The following PRKCE variants were observed in gnomAD, a reference collection of about 807,000 sequenced individuals.
PRKCE encodes the protein protein kinase C epsilon, also known as protein kinase C epsilon type.
Under a neutral mutation model 85.4 loss-of-function variants are expected in PRKCE, and 16 were observed. The ratio of observed to expected loss-of-function variants is 0.19; its 90% CI spans 0.13 to 0.28. PRKCE has a LOEUF of 0.28. PRKCE is among the 10% of genes least tolerant of loss of function. The pLI is 1.00. For missense variants in PRKCE, 573 were observed against 975.2 expected (o/e 0.59, Z 5.49); for synonymous variants, 388 against 371.5 (o/e 1.04, Z -0.51).
intron 10 of PRKCE, among the ~76,000 whole-genome samples, chr2:46,050,518 C>A (rs1400901114): frequency 2.0e-5 from 3 of 152,222 alleles, no homozygotes; most frequent in Admixed American, 2.0e-4. Flanking sequence ...TTCCACACCT[C>A]TTCTCTCTCC....
intron 1 of PRKCE, among the ~76,000 whole-genome samples, chr2:45,730,455 A>AT (rs56947431): frequency 0.01 from 1,307 of 128,498 alleles, 4 homozygotes; most frequent in Non-Finnish European, 0.011. Flanking sequence ...ACCAGTTGTA[A>AT]TTTTTTTTTT....
intron 11 of PRKCE, among the ~76,000 whole-genome samples, chr2:46,132,815 G>C (rs1403239214): frequency 6.6e-6 from 1 of 152,194 alleles, no homozygotes; most frequent in Admixed American, 6.5e-5. Flanking sequence ...TCTTTTTTAA[G>C]AATAATAAAA....
rs760809224 is a variant in PRKCE at position 45,774,272 on chromosome 2, C to T, written c.349-68728C>T. Among the ~76,000 whole-genome samples, 2 of 152,176 alleles carry T rather than the reference C, an allele frequency of 1.3e-5. No individual in the cohort carries two copies. Among genetic ancestry groups the T allele is most frequent in the African/African-American group, 2.4e-5 (1 of 41,442 alleles). ...TCTCTCAGCAGCTGCTTCACAGCCT[C>T]ACGGGAGGTGATCGGACACCAGCCT... On this transcript the variant is annotated intron_variant, in intron 1 of 14. Coordinates refer to ENST00000306156, the MANE Select transcript of PRKCE (RefSeq NM_005400.3). The surrounding 1 kb of genome is among the most constrained non-coding windows in gnomAD (Gnocchi z 4.3).
chr2:46,019,705 G>A (rs1706474829), intron 10 of PRKCE, among the ~76,000 whole-genome samples: 1 of 151,706 alleles, frequency 6.6e-6, no homozygotes, highest in African/African-American at 2.4e-5. Flanking sequence ...TGAAGTTGCA[G>A]TTTCTAAGAA....
rs1677566636 is a variant in PRKCE, at chr2:46,159,681, C to T, written c.1996C>T (p.Pro666Ser). Reference sequence around the variant, plus strand: ...TGGCGAGGACGCCATCAAGCAGCACCCATTCTTCAAAGAGATTGACTGGGT... The same window carrying T: ...TGGCGAGGACGCCATCAAGCAGCACTCATTCTTCAAAGAGATTGACTGGGT... ...QNGEDAIKQH[P>S]FFKEIDWVLL... The change falls in exon 14 of 15, where the codon CCA becomes TCA. Residue 666 changes from proline to serine, a missense_variant. By Grantham distance (74) the Pro-to-Ser change is moderately conservative (BLOSUM62 -1). Around this residue, in one of 11 missense-constraint regions of PRKCE, gnomAD observed 72 missense variants for 166.0 expected, o/e 0.43. Coordinates refer to ENST00000306156, the MANE Select transcript of PRKCE (RefSeq NM_005400.3). This position sits in a 1 kb window ranked among gnomAD's most constrained non-coding sequence, Gnocchi z 4.1. The T allele has an allele frequency of 6.3e-7, 1 of 1,599,362 alleles. No individual in the cohort carries two copies. The highest frequency in any genetic ancestry group is 1.1e-5 in the South Asian group (1 of 90,986).
chr2:46,013,498 G>A (rs1705861631), intron 10 of PRKCE, among the ~76,000 whole-genome samples: 2 of 152,198 alleles, frequency 1.3e-5, no homozygotes, highest in African/African-American at 4.8e-5. Context: ...GCTTTGAAAG[G>A]TAGAGAGGAT....
chr2:45,804,576 G>C (rs1321544650), intron 1 of PRKCE, among the ~76,000 whole-genome samples: 1 of 152,224 alleles, frequency 6.6e-6, no homozygotes, highest in Non-Finnish European at 1.5e-5. Flanking sequence ...AATCTCTACA[G>C]GCTGTTCTAG....
intron 1 of PRKCE, among the ~76,000 whole-genome samples, chr2:45,755,315 G>T (rs1487183001): frequency 6.6e-6 from 1 of 152,198 alleles, no homozygotes; most frequent in Non-Finnish European, 1.5e-5. Context: ...CAATAAAGGT[G>T]CAGCAAATAC....
chr2:45,917,945 G>GGGCCGGC (rs1435291829), intron 2 of PRKCE, among the ~76,000 whole-genome samples: 1 of 152,204 alleles, frequency 6.6e-6, no homozygotes, highest in African/African-American at 2.4e-5. Context: ...AGGGCTGGCA[G>GGGCCGGC]GGCCGGCGGC....
chr2:45,827,137 C>T (rs924337369), intron 1 of PRKCE, among the ~76,000 whole-genome samples: 1 of 152,234 alleles, frequency 6.6e-6, no homozygotes, highest in African/African-American at 2.4e-5. Context: ...ACACTCTGCT[C>T]CAGTCACACC....
intron 2 of PRKCE, among the ~76,000 whole-genome samples, chr2:45,928,685 T>A (rs1451761050): frequency 6.6e-6 from 1 of 152,248 alleles, no homozygotes; most frequent in Non-Finnish European, 1.5e-5. Context: ...TTTGCTAGAA[T>A]GGCAAGAATC....
At position 46,004,457 on chromosome 2, in the gene PRKCE, T is replaced by C. The variant is rs534623654; in HGVS notation, c.967-85T>C. 7.4e-4 allele frequency: 832 copies of C among 1,123,796 alleles called. 2 individuals are homozygous for C. Among genetic ancestry groups the C allele is most frequent in the East Asian group, 1.4e-3 (53 of 38,690 alleles). 69.6% of individuals were successfully genotyped at this position (1,123,796 alleles called of 1,614,324 possible). The stretch of plus-strand genomic sequence containing the variant: ...CTGCTCTGGGAACTCTCATGGCTCT[T>C]ATACGGCATCTTGATGCTTTTGACA... On this transcript the variant is annotated intron_variant, in intron 7 of 14. Coordinates refer to ENST00000306156, the MANE Select transcript of PRKCE (RefSeq NM_005400.3). This position sits in a 1 kb window ranked among gnomAD's most constrained non-coding sequence, Gnocchi z 4.1.
At chr2:45,793,832 A>C (rs1687209976) in intron 1 of PRKCE, among the ~76,000 whole-genome samples, 1 of 152,206 alleles carries the variant, frequency 6.6e-6, no homozygotes, top group Non-Finnish European at 1.5e-5. Context: ...AGGGTCTCAC[A>C]CTGACTGGTG....
At chr2:45,843,389 T>G (rs1691521616) in intron 2 of PRKCE, among the ~76,000 whole-genome samples, 3 of 152,068 alleles carry the variant, frequency 2.0e-5, no homozygotes, top group African/African-American at 7.2e-5. Flanking sequence ...GTGTGTGTGG[T>G]GGGAAGGAAG....
chr2:46,035,568 A>C (rs567473796), intron 10 of PRKCE, among the ~76,000 whole-genome samples: 1 of 152,264 alleles, frequency 6.6e-6, no homozygotes, highest in African/African-American at 2.4e-5. Flanking sequence ...AAACCATTAG[A>C]GGTCTCAGCT....
chr2:46,130,588 G>C (rs923234558), intron 11 of PRKCE, among the ~76,000 whole-genome samples: 2 of 152,144 alleles, frequency 1.3e-5, no homozygotes, highest in Non-Finnish European at 2.9e-5. Flanking sequence ...CTGCTTAAAG[G>C]ATTTATTTGT....
At chr2:45,890,895 C>T (rs930175604) in intron 2 of PRKCE, among the ~76,000 whole-genome samples, 5 of 152,124 alleles carry the variant, frequency 3.3e-5, no homozygotes, top group African/African-American at 1.2e-4. Context: ...AGATGTTAGG[C>T]CCCTGTCCTG....
At chr2:45,959,112 A>G (rs546990540) in intron 2 of PRKCE, among the ~76,000 whole-genome samples, 1 of 151,772 alleles carries the variant, frequency 6.6e-6, no homozygotes, top group East Asian at 1.9e-4. Context: ...AAATAGGGAG[A>G]ATAATATCTT....
At chr2:46,086,816 AG>A (rs1244271926) in intron 11 of PRKCE, among the ~76,000 whole-genome samples, 2 of 152,242 alleles carry the variant, frequency 1.3e-5, no homozygotes, top group Non-Finnish European at 2.9e-5. Context: ...GAGTTGCTTG[AG>A]GGACTGGGGG....
Sources: allele counts gnomAD v4.1 joint callset (sites outside exome capture counted in the v4.1 genomes callset), GRCh38; gene constraint gnomAD v4.1.1; regional missense constraint gnomAD v4.1.1; non-coding constraint Gnocchi (gnomAD v3.1); transcripts MANE v1.5; gene names NCBI Gene and HGNC (gene_info 2026-07-23, HGNC 2026-07-21).